The following C3orf20 variants were observed in gnomAD, a reference collection of about 807,000 sequenced individuals.
C3orf20 encodes the protein family with sequence similarity 149 member C, also known as uncharacterized protein C3orf20.
A neutral mutation model predicts 88.3 loss-of-function variants in C3orf20; 76 were observed. That is an observed-to-expected ratio of 0.86 (90% CI 0.72 to 1.04). The LOEUF (loss-of-function observed/expected upper bound fraction) is 1.04, where lower values mean the gene tolerates loss of function less well. Among genes scored for constraint, C3orf20 ranks in the 50% least tolerant of loss-of-function variants. The pLI, the probability that C3orf20 is intolerant of heterozygous loss-of-function variation, is 0.00. For missense variants in C3orf20, 1,056 were observed against 1,123.3 expected (o/e 0.94, Z 0.86); for synonymous variants, 436 against 437.4 (o/e 1.00, Z 0.04).
chr3:14,741,225 T>C (rs2034889146), intron 12 of C3orf20, among the ~76,000 whole-genome samples: 1 of 152,032 alleles, frequency 6.6e-6, no homozygotes, highest in Non-Finnish European at 1.5e-5. Context: ...ACTCCTCAGA[T>C]AGATATAGCT....
chr3:14,765,042 G>A (rs2035667673), intron 15 of C3orf20: 2 of 152,244 alleles, frequency 1.3e-5, no homozygotes. Context: ...CGCATCACCT[G>A]GATTCCAGAA....
chr3:14,697,634 G>A (rs1187745728), intron 5 of C3orf20, among the ~76,000 whole-genome samples: 2 of 151,876 alleles, frequency 1.3e-5, no homozygotes, highest in South Asian at 2.1e-4. Flanking sequence ...CATGTGCCAT[G>A]TTGGTTTGCT....
intron 12 of C3orf20, among the ~76,000 whole-genome samples, chr3:14,743,808 C>T (rs13090796): frequency 0.19 from 28,990 of 151,966 alleles, 3,112 homozygotes; most frequent in South Asian, 0.42. Flanking sequence ...ACAGCCCAAG[C>T]TATATGTTGG....
At position 14,711,740 on chromosome 3, in the gene C3orf20, A is replaced by G. The variant is rs1263380869; in HGVS notation, c.1161-2267A>G. 6.0e-5 allele frequency among the ~76,000 whole-genome samples: 9 copies of G among 151,072 alleles called. 1 individual carries two copies. In the East Asian group the frequency reaches 1.4e-3, roughly 23 times the overall value. ...AACCTCCACCTCCTGGGCTCAAGCAATTCTCATGCCTCAGCTCTGGCCTTT... is the reference window on the plus strand; with the variant it reads ...AACCTCCACCTCCTGGGCTCAAGCAGTTCTCATGCCTCAGCTCTGGCCTTT... On this transcript the variant is annotated intron_variant, in intron 7 of 16. Transcript: ENST00000253697.
rs1559444221 is a variant in C3orf20 at position 14,757,539 on chromosome 3, GC to G, written c.2113del (p.Arg705GlufsTer27). ...TGGAGCTGGAGCGCTTCCTGTTGGC[GC>G]CCCGAGACCCCAGCCAAGTGCTGGT... ...DVELERFLLAPRDPSQVLVFG... is the reference protein window; with the variant it reads ...DVELERFLLAXRDPSQVLVFG... On this transcript the variant is annotated frameshift_variant, in exon 13 of 17. Transcript: ENST00000253697. LOFTEE classifies it high-confidence loss of function. 1.9e-6 allele frequency: 3 copies of G among 1,613,932 alleles called. No homozygotes were observed. In the African/African-American group the frequency reaches 4.0e-5, roughly 22 times the overall value.
rs748827374 is a variant in C3orf20 at position 14,726,886 on chromosome 3, T to C, written c.1567-15T>C. ...GGGGATGGTGACACCCGCCCTCCCC[T>C]TTGCCCCTCTCCAGCTGAACCGCAG... On this transcript the variant is annotated splice_polypyrimidine_tract_variant and intron_variant, in intron 10 of 16. Coordinates refer to ENST00000253697, the MANE Select transcript of C3orf20 (RefSeq NM_032137.5). 7.4e-6 allele frequency: 12 copies of C among 1,613,546 alleles called. No individual in the cohort carries two copies. Among genetic ancestry groups the C allele is most frequent in the Non-Finnish European group, 9.3e-6 (11 of 1,179,782 alleles).
At chr3:14,675,967 C>T (rs916374623) in intron 1 of C3orf20, among the ~76,000 whole-genome samples, 4 of 152,234 alleles carry the variant, frequency 2.6e-5, no homozygotes, top group African/African-American at 9.6e-5. Context: ...GCTGGGATGA[C>T]GGGTGTGAGC....
At chr3:14,691,211 C>T (rs1467199934) in intron 5 of C3orf20, among the ~76,000 whole-genome samples, 2 of 152,178 alleles carry the variant, frequency 1.3e-5, no homozygotes, top group Non-Finnish European at 2.9e-5. Context: ...CTTCAGCGGC[C>T]GCCACACCTT....
intron 7 of C3orf20, among the ~76,000 whole-genome samples, chr3:14,706,204 G>C (rs1423975449): frequency 1.3e-5 from 2 of 152,104 alleles, no homozygotes; most frequent in African/African-American, 4.8e-5. Flanking sequence ...TGTCAAAGAA[G>C]TGTTATTGTT....
intron 12 of C3orf20, among the ~76,000 whole-genome samples, chr3:14,743,153 C>T (rs998482900): frequency 2.0e-5 from 3 of 151,944 alleles, no homozygotes; most frequent in Non-Finnish European, 4.4e-5. Flanking sequence ...AAGTCCCTTC[C>T]GCCTGTGAGC....
At position 14,719,202 on chromosome 3, in the gene C3orf20, TA is replaced by T. The variant is rs750411313; in HGVS notation, c.1435-2450del. Reference sequence around the variant, plus strand: ...GCAGCCTGTCAGGCACTGACTCAGCTATACTGGAAGTAGAACCAGCTGGTTG... The same window carrying T: ...GCAGCCTGTCAGGCACTGACTCAGCTTACTGGAAGTAGAACCAGCTGGTTG... On this transcript the variant is annotated intron_variant, in intron 9 of 16. Transcript: ENST00000253697. Among the ~76,000 whole-genome samples the T allele has an allele frequency of 3.3e-5, 5 of 151,938 alleles. No individual in the cohort carries two copies. In the East Asian group the frequency reaches 9.7e-4, roughly 29 times the overall value.
intron 4 of C3orf20, among the ~76,000 whole-genome samples, chr3:14,688,543 AAAAG>A (rs2032558843): frequency 6.6e-6 from 1 of 151,016 alleles, no homozygotes; most frequent in Non-Finnish European, 1.5e-5. Context: ...AAAAAAAAAA[AAAAG>A]AAAAAAAAGA....
At chr3:14,697,328 G>A (rs1237572659) in intron 5 of C3orf20, among the ~76,000 whole-genome samples, 1 of 151,904 alleles carries the variant, frequency 6.6e-6, no homozygotes, top group Non-Finnish European at 1.5e-5. Flanking sequence ...CCCTTTTGAG[G>A]TTATTTTCTA....
chr3:14,762,429 G>A (rs2035588954), intron 15 of C3orf20, among the ~76,000 whole-genome samples: 1 of 152,224 alleles, frequency 6.6e-6, no homozygotes, highest in Non-Finnish European at 1.5e-5. Context: ...GCTGCATGAA[G>A]CGCCTGAAGA....
chr3:14,713,981 T>G (rs749452613), intron 7 of C3orf20, 26 bp from the exon 8 acceptor site: 28 of 1,613,012 alleles, frequency 1.7e-5, no homozygotes, highest in Middle Eastern at 3.4e-4. Flanking sequence ...AGTTTTCTGT[T>G]AGTTCTACCT....
intron 10 of C3orf20, chr3:14,722,446 AG>A: frequency 2.2e-6 from 1 of 456,608 alleles, no homozygotes; most frequent in South Asian, 1.5e-5. Flanking sequence ...GCAAAGGATA[AG>A]GCAGAAGAGT....
intron 15 of C3orf20, among the ~76,000 whole-genome samples, chr3:14,771,613 C>T (rs1187163400): frequency 6.6e-6 from 1 of 152,222 alleles, no homozygotes; most frequent in Non-Finnish European, 1.5e-5. Context: ...TCCAGTATGG[C>T]CTCATCTTAA....
At chr3:14,703,484 C>T (rs2033364312) in intron 6 of C3orf20, among the ~76,000 whole-genome samples, 1 of 152,226 alleles carries the variant, frequency 6.6e-6, no homozygotes, top group Non-Finnish European at 1.5e-5. Context: ...ACCCTCCCTA[C>T]AATATCACTG....
At chr3:14,736,411 C>T (rs2034712628) in intron 12 of C3orf20, among the ~76,000 whole-genome samples, 1 of 152,016 alleles carries the variant, frequency 6.6e-6, no homozygotes, top group Admixed American at 6.6e-5. Flanking sequence ...CTGCTTCAGC[C>T]TTCTGGGTAG....
Sources: allele counts gnomAD v4.1 joint callset (sites outside exome capture counted in the v4.1 genomes callset), GRCh38; gene constraint gnomAD v4.1.1; transcripts MANE v1.5; gene names NCBI Gene and HGNC (gene_info 2026-07-23, HGNC 2026-07-21).